MACROD2: variants seen among roughly 807,000 people sequenced by gnomAD.
The protein encoded by MACROD2 is ADP-ribose glycohydrolase MACROD2.
A neutral mutation model predicts 70.4 loss-of-function variants in MACROD2; 36 were observed. The observed-to-expected ratio is 0.51, with a 90% CI of 0.39 to 0.68. The LOEUF (loss-of-function observed/expected upper bound fraction) is 0.68, where lower values mean the gene tolerates loss of function less well. Ranked by LOEUF, MACROD2 falls within the 30% of genes least tolerant of loss-of-function variation. The pLI is 0.00. For missense variants in MACROD2, 496 were observed against 538.4 expected, an observed-to-expected ratio of 0.92 and a Z score of 0.78; for synonymous variants, 172 against 178.8, an observed-to-expected ratio of 0.96 and a Z score of 0.30.
chr20:14,076,549 C>T (rs1320184617), intron 2 of MACROD2, among the ~76,000 whole-genome samples: 1 of 151,714 alleles, frequency 6.6e-6, no homozygotes, highest in East Asian at 1.9e-4. Context: ...CTTGGTAGTG[C>T]ATGTCTGTAG....
At chr20:14,422,310 A>G (rs2083883972) in intron 3 of MACROD2, among the ~76,000 whole-genome samples, 1 of 152,186 alleles carries the variant, frequency 6.6e-6, no homozygotes, top group South Asian at 2.1e-4. Context: ...CTTTAGATCT[A>G]AATGAAGCCT....
chr20:15,764,016 G>A (rs1043780902), intron 8 of MACROD2, among the ~76,000 whole-genome samples: 1 of 152,204 alleles, frequency 6.6e-6, no homozygotes, highest in African/African-American at 2.4e-5. Flanking sequence ...AGTTACATTT[G>A]TAAGTGGGAG....
intron 5 of MACROD2, among the ~76,000 whole-genome samples, chr20:14,807,771 A>G (rs1024642046): frequency 1.3e-5 from 2 of 152,134 alleles, no homozygotes; most frequent in Non-Finnish European, 2.9e-5. Flanking sequence ...GATGAAAAAC[A>G]CAGCACAAGA....
At chr20:14,601,149 C>G (rs1295579268) in intron 4 of MACROD2, among the ~76,000 whole-genome samples, 9 of 152,154 alleles carry the variant, frequency 5.9e-5, no homozygotes, top group Non-Finnish European at 1.0e-4. Flanking sequence ...GCTGACTTAT[C>G]CCTTCAGCAC....
intron 2 of MACROD2, among the ~76,000 whole-genome samples, chr20:14,084,472 C>T (rs1345681881): frequency 6.6e-6 from 1 of 152,062 alleles, no homozygotes; most frequent in Non-Finnish European, 1.5e-5. Context: ...TATAAATCAG[C>T]TTTCCTGTAA....
intron 4 of MACROD2, among the ~76,000 whole-genome samples, chr20:14,683,853 A>G (rs748093214): frequency 1.0e-4 from 15 of 150,670 alleles, no homozygotes; most frequent in Non-Finnish European, 2.2e-4. Context: ...CCTTTATTTT[A>G]TAATCTTGCT....
At chr20:14,313,899 G>A (rs1475391735) in intron 3 of MACROD2, among the ~76,000 whole-genome samples, 1 of 152,178 alleles carries the variant, frequency 6.6e-6, no homozygotes, top group East Asian at 1.9e-4. Context: ...TGCTGTTATA[G>A]TTAAATACAA....
intron 8 of MACROD2, among the ~76,000 whole-genome samples, chr20:15,643,134 A>G (rs1321222109): frequency 1.3e-5 from 2 of 152,176 alleles, no homozygotes; most frequent in African/African-American, 4.8e-5. Context: ...TCCTACTTCC[A>G]TGATGTATAT....
chr20:15,971,579 G>A (rs1288310316), intron 13 of MACROD2, among the ~76,000 whole-genome samples: 1 of 152,074 alleles, frequency 6.6e-6, no homozygotes, highest in Non-Finnish European at 1.5e-5. Context: ...TTTCTTCATA[G>A]CAGCATGAAA....
Position 15,130,131 on chromosome 20 carries a change from T to C in MACROD2, c.419-99809T>C, listed in dbSNP as rs529314913. 2.6e-5 allele frequency among the ~76,000 whole-genome samples: 4 copies of C among 152,242 alleles called. No homozygotes were observed. In the South Asian group the frequency reaches 8.3e-4, roughly 32 times the overall value. ...AAGTATATCATGGGTCAGTTCATAA[T>C]TGTGAACAAGATTCTCTTGTTTAAC... On this transcript the variant is annotated intron_variant, in intron 5 of 17. Coordinates refer to ENST00000684519, the MANE Select transcript of MACROD2 (RefSeq NM_001351661.2).
chr20:15,805,706 C>T (rs1263132787), intron 8 of MACROD2, among the ~76,000 whole-genome samples: 6 of 152,120 alleles, frequency 3.9e-5, no homozygotes, highest in Non-Finnish European at 1.5e-5. Context: ...AAACTCCTGA[C>T]CTCAGGTGAT....
chr20:14,559,447 G>T (rs1218996444), intron 4 of MACROD2, among the ~76,000 whole-genome samples: 1 of 151,480 alleles, frequency 6.6e-6, no homozygotes, highest in African/African-American at 2.4e-5. Flanking sequence ...CTATGGAAGA[G>T]GATAAAGTTA....
intron 5 of MACROD2, among the ~76,000 whole-genome samples, chr20:15,161,502 T>C (rs1454241514): frequency 6.6e-6 from 1 of 151,902 alleles, no homozygotes; most frequent in Admixed American, 6.6e-5. Flanking sequence ...TCAAGAGGAA[T>C]CTCATAATAT....
At chr20:15,879,502 A>G (rs951786245) in intron 9 of MACROD2, among the ~76,000 whole-genome samples, 1 of 152,142 alleles carries the variant, frequency 6.6e-6, no homozygotes, top group African/African-American at 2.4e-5. Context: ...TCTGTGCTTG[A>G]TTTTAATACA....
At chr20:15,286,022 C>G (rs895805935) in intron 6 of MACROD2, among the ~76,000 whole-genome samples, 44 of 152,070 alleles carry the variant, frequency 2.9e-4, no homozygotes, top group African/African-American at 1.0e-3. Flanking sequence ...CCACCTCTTT[C>G]ACCTGAGTAA....
intron 4 of MACROD2, among the ~76,000 whole-genome samples, chr20:14,597,541 G>A (rs998364957): frequency 6.6e-6 from 1 of 152,074 alleles, no homozygotes; most frequent in African/African-American, 2.4e-5. Flanking sequence ...TGAAAATTAA[G>A]CTTCTAACAT....
chr20:15,642,007 A>C (rs2049467217), intron 8 of MACROD2, among the ~76,000 whole-genome samples: 1 of 152,230 alleles, frequency 6.6e-6, no homozygotes, highest in African/African-American at 2.4e-5. Flanking sequence ...TGCTGCAAAC[A>C]GTGCCTTTTG....
chr20:15,463,581 C>T (rs1338671932), intron 7 of MACROD2, among the ~76,000 whole-genome samples: 2 of 152,054 alleles, frequency 1.3e-5, no homozygotes, highest in Non-Finnish European at 1.5e-5. Context: ...GAAACCCCGT[C>T]TCTACTAAAA....
At chr20:15,174,808 GA>G (rs1291407339) in intron 5 of MACROD2, among the ~76,000 whole-genome samples, 1 of 152,118 alleles carries the variant, frequency 6.6e-6, no homozygotes, top group Non-Finnish European at 1.5e-5. Flanking sequence ...GTCTTCTTTT[GA>G]GAAGTGTCTG....
Sources: gnomAD v4.1 joint callset for allele counts (sites outside exome capture counted in the v4.1 genomes callset) on GRCh38, gnomAD v4.1.1 for gene constraint, MANE v1.5 for transcripts, NCBI Gene and HGNC (gene_info 2026-07-23, HGNC 2026-07-21) for gene names.